The following ADAM17 variants were observed in gnomAD, a reference collection of about 807,000 sequenced individuals.
The protein encoded by ADAM17 is disintegrin and metalloproteinase domain-containing protein 17.
Under a neutral mutation model 96.7 loss-of-function variants are expected in ADAM17, and 39 were observed. That is an observed-to-expected ratio of 0.40 (90% CI 0.31 to 0.53). ADAM17 has a LOEUF of 0.53. ADAM17 is among the 20% of genes least tolerant of loss of function. The pLI is 0.44. For synonymous variants in ADAM17, 344 were observed against 359.2 expected (o/e 0.96, Z 0.48); for missense variants, 777 against 1,013.2 (o/e 0.77, Z 3.17).
chr2:9,512,796 C>G (rs1663813190), intron 10 of ADAM17, among the ~76,000 whole-genome samples: 1 of 152,074 alleles, frequency 6.6e-6, no homozygotes, highest in Non-Finnish European at 1.5e-5. Context: ...TGTAATGAAG[C>G]CTCCATAAAA....
Position 9,489,893 on chromosome 2 carries a change from A to G in ADAM17, c.*284T>C. The G allele has an allele frequency of 2.9e-6, 1 of 346,228 alleles. No homozygotes were observed. Among genetic ancestry groups the G allele is most frequent in the Non-Finnish European group, 5.3e-6 (1 of 189,722 alleles). The allele number at this position is 346,228 out of a possible 1,614,324, so 21.4% of individuals were successfully genotyped here. On this transcript the variant is annotated 3_prime_UTR_variant, in exon 19 of 19. Transcript: ENST00000310823. ...ATTTACAAAAACGTAAATATTCATA[A>G]CCCAATCCAGCTGTATTTTCTGCTT...
intron 13 of ADAM17, among the ~76,000 whole-genome samples, chr2:9,501,646 T>C (rs908052701): frequency 6.6e-6 from 1 of 152,234 alleles, no homozygotes; most frequent in African/African-American, 2.4e-5. Context: ...TTCTAACTTG[T>C]ATCCTGCTTC....
At chr2:9,496,764 C>T (rs1309123933) in intron 14 of ADAM17, among the ~76,000 whole-genome samples, 1 of 152,184 alleles carries the variant, frequency 6.6e-6, no homozygotes, top group Admixed American at 6.5e-5. Flanking sequence ...TAGATAGCTA[C>T]TGCTGCTTTT....
chr2:9,493,962 A>T (rs1266083332), intron 15 of ADAM17, 137 bp from the exon 16 acceptor site: 1 of 645,066 alleles, frequency 1.6e-6, no homozygotes, highest in Non-Finnish European at 2.6e-6. Context: ...ACAAGGCAAT[A>T]ACTTCCGCGT....
At chr2:9,507,550 A>G (rs1663483956) in intron 11 of ADAM17, among the ~76,000 whole-genome samples, 1 of 152,142 alleles carries the variant, frequency 6.6e-6, no homozygotes, top group African/African-American at 2.4e-5. Context: ...GAAGATGCAC[A>G]TTATCTTCTT....
At chr2:9,530,013 T>C (rs567868080) in intron 4 of ADAM17, among the ~76,000 whole-genome samples, 10 of 151,954 alleles carry the variant, frequency 6.6e-5, no homozygotes, top group African/African-American at 2.2e-4. Flanking sequence ...ATTGTATACA[T>C]TAAGTGGGTG....
intron 6 of ADAM17, among the ~76,000 whole-genome samples, chr2:9,525,372 C>G (rs1664481257): frequency 6.6e-6 from 1 of 150,750 alleles, no homozygotes; most frequent in Admixed American, 6.6e-5. Flanking sequence ...ATAAAATGGA[C>G]AGCATGGGAA....
At chr2:9,538,040 G>A (rs1665060360) in intron 2 of ADAM17, among the ~76,000 whole-genome samples, 1 of 150,432 alleles carries the variant, frequency 6.6e-6, no homozygotes, top group Admixed American at 6.6e-5. Flanking sequence ...ATACACTTCA[G>A]TTCTTTAGTG....
At chr2:9,500,636 C>CAGAT (rs1182244166) in intron 13 of ADAM17, among the ~76,000 whole-genome samples, 1 of 151,914 alleles carries the variant, frequency 6.6e-6, no homozygotes, top group African/African-American at 2.4e-5. Flanking sequence ...AAGAATGGGA[C>CAGAT]AGATAGATAT....
rs1161979375 is a variant in ADAM17 at position 9,512,213 on chromosome 2, C to T, written c.1192-2082G>A. On this transcript the variant is annotated intron_variant, in intron 10 of 18. Transcript: ENST00000310823. ...AAGGTGTAATGAAGAGAAATATCTCCTAACTGCTTGGGGAAAATTCATTAG... is the reference window on the plus strand; with the variant it reads ...AAGGTGTAATGAAGAGAAATATCTCTTAACTGCTTGGGGAAAATTCATTAG... 4 of 151,916 alleles carry T rather than the reference C, an allele frequency of 2.6e-5. No homozygotes were observed. The East Asian group carries it at 7.7e-4, about 29-fold the overall frequency. 9.4% of individuals were successfully genotyped at this position (151,916 alleles called of 1,614,324 possible).
At chr2:9,542,948 T>C (rs1055335440) in intron 2 of ADAM17, among the ~76,000 whole-genome samples, 1 of 152,216 alleles carries the variant, frequency 6.6e-6, no homozygotes, top group African/African-American at 2.4e-5. Flanking sequence ...TCCACATGTC[T>C]TGGCCCCCCA....
chr2:9,499,693 TGCCGG>T (rs1438093234), intron 13 of ADAM17, among the ~76,000 whole-genome samples: 1 of 152,128 alleles, frequency 6.6e-6, no homozygotes. Context: ...TGAGCCACTG[TGCCGG>T]GCCATCAGGT....
intron 7 of ADAM17, chr2:9,522,115 T>C (rs1388876313): frequency 2.8e-5 from 8 of 283,114 alleles, no homozygotes; most frequent in South Asian, 3.3e-4. Context: ...AAAAGAAAAT[T>C]TACAGGTTCC....
intron 1 of ADAM17, among the ~76,000 whole-genome samples, chr2:9,545,624 A>G (rs1665376118): frequency 6.6e-6 from 1 of 152,174 alleles, no homozygotes; most frequent in African/African-American, 2.4e-5. Context: ...AACAACTCAA[A>G]GTAAAGAAAA....
At chr2:9,502,126 C>A in intron 13 of ADAM17, 47 bp downstream of exon 13, 2 of 1,500,406 alleles carry the variant, frequency 1.3e-6, no homozygotes, top group African/African-American at 2.8e-5. Flanking sequence ...CAAAGACACA[C>A]ACACACTTGA....
Position 9,555,793 on chromosome 2 carries a change from T to C in ADAM17, c.-188A>G, listed in dbSNP as rs990950155. 6.5e-6 allele frequency: 3 copies of C among 462,142 alleles called. No homozygotes were observed. Among genetic ancestry groups the C allele is most frequent in the Non-Finnish European group, 1.1e-5 (3 of 268,056 alleles). 28.6% of individuals were successfully genotyped at this position (462,142 alleles called of 1,614,324 possible). A position where few individuals can be genotyped will look rare whatever the true frequency, so the allele number is the denominator to read the frequency against. On this transcript the variant is annotated 5_prime_UTR_variant, in exon 1 of 19. Coordinates refer to ENST00000310823, the MANE Select transcript of ADAM17 (RefSeq NM_003183.6). Reference sequence around the variant, plus strand: ...GACGCCCCCAGAAGTGCAGGTGGCGTTACCAAAGGCCGGCTCAGCCAGCTT... The same window carrying C: ...GACGCCCCCAGAAGTGCAGGTGGCGCTACCAAAGGCCGGCTCAGCCAGCTT...
intron 5 of ADAM17, among the ~76,000 whole-genome samples, chr2:9,526,888 A>C (rs1664553607): frequency 2.0e-5 from 3 of 152,222 alleles, no homozygotes; most frequent in Admixed American, 6.5e-5. Flanking sequence ...TACAACAAGA[A>C]GTTTATGAAT....
chr2:9,506,880 A>T (rs1663438397), intron 11 of ADAM17: 1 of 152,180 alleles, frequency 6.6e-6, no homozygotes, highest in South Asian at 2.1e-4. Flanking sequence ...GAGAGCACTA[A>T]CGATAAAAGG....
Position 9,492,978 on chromosome 2 carries a change from A to C in ADAM17, c.2002T>G (p.Leu668Val). The change falls in exon 17 of 19, where the codon TTA becomes GTA. Residue 668 changes from leucine (L) to valine (V), a missense_variant. Transcript: ENST00000310823. ...ACAGACCCAACGATGTTGTCTGCTA[A>C]AAACTTTCCTGTGAACAATTCCAAA... ...QLSINTFGKF[L>V]ADNIVGSVLV... 6.2e-7 allele frequency: 1 copy of C among 1,610,436 alleles called. No individual in the cohort carries two copies. Among genetic ancestry groups the C allele is most frequent in the Non-Finnish European group, 8.5e-7 (1 of 1,178,180 alleles).
Sources: allele counts gnomAD v4.1 joint callset (sites outside exome capture counted in the v4.1 genomes callset), GRCh38; gene constraint gnomAD v4.1.1; transcripts MANE v1.5; gene names NCBI Gene and HGNC (gene_info 2026-07-23, HGNC 2026-07-21).